The following ADCY8 variants were observed in gnomAD, a reference collection of about 807,000 sequenced individuals.
ADCY8 encodes the protein adenylate cyclase 8, also known as adenylate cyclase type 8.
In ADCY8, 51 loss-of-function variants were observed where a neutral mutation model predicts 119.7. The ratio of observed to expected loss-of-function variants is 0.43; its 90% CI spans 0.34 to 0.54. The LOEUF (loss-of-function observed/expected upper bound fraction) is 0.54, where lower values mean the gene tolerates loss of function less well. Among genes scored for constraint, ADCY8 ranks in the 20% least tolerant of loss-of-function variants. The probability of loss-of-function intolerance (pLI) is 0.03; values close to 1 mark genes in which losing one functional copy is unlikely to be tolerated. For missense variants in ADCY8, 1,383 were observed against 1,598.8 expected, an observed-to-expected ratio of 0.87 and a Z score of 2.30; for synonymous variants, 665 against 651.0, an observed-to-expected ratio of 1.02 and a Z score of -0.33.
intron 14 of ADCY8, among the ~76,000 whole-genome samples, chr8:130,808,119 T>C (rs1816035294): frequency 6.6e-6 from 1 of 151,598 alleles, no homozygotes; most frequent in Admixed American, 6.6e-5. Context: ...CAGCTACTTC[T>C]ATCCTCATCA....
At chr8:130,909,016 T>C (rs879473449) in intron 6 of ADCY8, among the ~76,000 whole-genome samples, 3,790 of 106,844 alleles carry the variant, frequency 0.035, 86 homozygotes, top group South Asian at 0.075. Context: ...TCTCTTTCTC[T>C]ATCTCCATCC....
intron 2 of ADCY8, among the ~76,000 whole-genome samples, chr8:130,971,693 C>T (rs1821927555): frequency 6.6e-6 from 1 of 152,084 alleles, no homozygotes; most frequent in African/African-American, 2.4e-5. Context: ...GGAAGGCTTC[C>T]TGGAAGAGGT....
At chr8:130,972,329 C>G (rs1372297090) in intron 2 of ADCY8, among the ~76,000 whole-genome samples, 1 of 152,174 alleles carries the variant, frequency 6.6e-6, no homozygotes, top group East Asian at 1.9e-4. Flanking sequence ...TGTCCACAGT[C>G]TGCTGTCATC....
At chr8:130,851,066 T>G (rs1035681845) in intron 9 of ADCY8, among the ~76,000 whole-genome samples, 1 of 152,196 alleles carries the variant, frequency 6.6e-6, no homozygotes, top group African/African-American at 2.4e-5. Flanking sequence ...CGTTCTGATA[T>G]TCTAATCACT....
intron 1 of ADCY8, among the ~76,000 whole-genome samples, chr8:131,034,112 G>A (rs767325317): frequency 6.6e-6 from 1 of 152,052 alleles, no homozygotes; most frequent in Non-Finnish European, 1.5e-5. Context: ...GGATATTTAT[G>A]TCTCTCAAAT....
At chr8:130,935,251 A>G (rs969967994) in intron 5 of ADCY8, among the ~76,000 whole-genome samples, 3 of 152,154 alleles carry the variant, frequency 2.0e-5, no homozygotes, top group Admixed American at 6.5e-5. Context: ...ATCCACTTTG[A>G]TCATCAAGCT....
chr8:131,037,425 A>G (rs1309785194), intron 1 of ADCY8, among the ~76,000 whole-genome samples: 2 of 152,216 alleles, frequency 1.3e-5, no homozygotes, highest in African/African-American at 4.8e-5. Context: ...AAATATATCT[A>G]TACTTAGAAC....
intron 1 of ADCY8, among the ~76,000 whole-genome samples, chr8:130,993,400 C>G (rs1822664322): frequency 6.6e-6 from 1 of 152,130 alleles, no homozygotes; most frequent in South Asian, 2.1e-4. Context: ...ATATACCAAA[C>G]AGATTAAAAA....
At chr8:130,931,462 T>G (rs755390684) in intron 5 of ADCY8, among the ~76,000 whole-genome samples, 8 of 152,180 alleles carry the variant, frequency 5.3e-5, no homozygotes, top group African/African-American at 1.4e-4. Flanking sequence ...TTGACTTTCA[T>G]GTACCTGGAT....
intron 9 of ADCY8, among the ~76,000 whole-genome samples, chr8:130,855,617 C>T (rs559754519): frequency 6.6e-6 from 1 of 151,820 alleles, no homozygotes; most frequent in African/African-American, 2.4e-5. Context: ...AGCCCAGGCC[C>T]GCTGGGAAGT....
Position 130,923,540 on chromosome 8 carries a change from G to A in ADCY8, c.1481+13533C>T, listed in dbSNP as rs1009404994. 2.4e-4 allele frequency among the ~76,000 whole-genome samples: 36 copies of A among 152,104 alleles called. 1 individual carries two copies. Among genetic ancestry groups the A allele is most frequent in the Non-Finnish European group, 2.9e-4 (20 of 68,028 alleles). On this transcript the variant is annotated intron_variant, in intron 5 of 17. Coordinates refer to ENST00000286355, the MANE Select transcript of ADCY8 (RefSeq NM_001115.3). ...TTAGCAATTGCACTGAAAAGACCAA[G>A]CTCTGCAATTTTCATTAAGATTAAT... is the stretch of plus-strand genomic sequence containing the variant.
chr8:130,784,531 A>G (rs543625176), intron 16 of ADCY8, among the ~76,000 whole-genome samples: 2 of 152,204 alleles, frequency 1.3e-5, no homozygotes, highest in Non-Finnish European at 2.9e-5. Flanking sequence ...CCAATATTTT[A>G]AGGTTTGTCG....
chr8:130,821,398 C>A lies in ADCY8; in HGVS notation c.2698G>T (p.Val900Leu). Residue 900 changes from valine to leucine, a missense_variant, in exon 13 of 18, where the codon GTA (valine) becomes TTA (leucine). Val to Leu is a conservative substitution (Grantham distance 32). Around this residue, in one of 2 missense-constraint regions of ADCY8, gnomAD observed 928 missense variants for 1,163.5 expected, o/e 0.80. Transcript: ENST00000286355. ...AACATGGCCATCAGTAGCAGTGATA[C>A]CTCCTTGGTCCCCAGGAAATCTCTG... ...SGEDFLGTKE[V>L]SLLLMAMFLL... 6.2e-7 allele frequency: 1 copy of A among 1,613,234 alleles called. No homozygotes were observed. The highest frequency in any genetic ancestry group is 8.5e-7 in the Non-Finnish European group (1 of 1,179,462).
intron 7 of ADCY8, among the ~76,000 whole-genome samples, chr8:130,902,341 T>C (rs1258669719): frequency 6.6e-6 from 1 of 152,132 alleles, no homozygotes; most frequent in African/African-American, 2.4e-5. Context: ...AACAGCAAAC[T>C]GTACCATGCA....
intron 1 of ADCY8, among the ~76,000 whole-genome samples, chr8:131,003,419 T>G (rs555146563): frequency 3.7e-4 from 57 of 152,340 alleles, no homozygotes; most frequent in African/African-American, 1.3e-3. Flanking sequence ...ATATTCAAAA[T>G]GTCTATTTAT....
chr8:130,943,891 C>G (rs1380932961), intron 3 of ADCY8, among the ~76,000 whole-genome samples: 1 of 152,202 alleles, frequency 6.6e-6, no homozygotes, highest in Non-Finnish European at 1.5e-5. Flanking sequence ...AAAACCTCAT[C>G]ATCTTGAACC....
At chr8:130,995,538 T>C (rs1363933613) in intron 1 of ADCY8, among the ~76,000 whole-genome samples, 24 of 152,218 alleles carry the variant, frequency 1.6e-4, no homozygotes, top group South Asian at 2.1e-4. Context: ...GACCATTTTG[T>C]ACTTTTCCTC....
intron 1 of ADCY8, among the ~76,000 whole-genome samples, chr8:131,015,170 G>C (rs1190438777): frequency 6.6e-6 from 1 of 152,158 alleles, no homozygotes; most frequent in African/African-American, 2.4e-5. Context: ...AGGCTCTGAG[G>C]ATATGTCAGT....
chr8:131,004,004 G>T (rs1823035246), intron 1 of ADCY8, among the ~76,000 whole-genome samples: 1 of 152,120 alleles, frequency 6.6e-6, no homozygotes, highest in African/African-American at 2.4e-5. Flanking sequence ...ACAGCAACAA[G>T]ACTTGTTGAG....
Sources: gnomAD v4.1 joint callset for allele counts (sites outside exome capture counted in the v4.1 genomes callset) on GRCh38, gnomAD v4.1.1 for gene constraint, gnomAD v4.1.1 regional missense constraint, MANE v1.5 for transcripts, NCBI Gene and HGNC (gene_info 2026-07-23, HGNC 2026-07-21) for gene names.